Variants in GALNT14 observed in about 807,000 individuals in gnomAD.
GALNT14 encodes UDP-GalNAc:polypeptide N-acetylgalactosaminyltransferase 14.
In GALNT14, 60 loss-of-function variants were observed where a neutral mutation model predicts 77.5. The ratio of observed to expected loss-of-function variants is 0.77; its 90% CI spans 0.63 to 0.96. The LOEUF (loss-of-function observed/expected upper bound fraction) is 0.96. Ranked by LOEUF, GALNT14 falls within the 40% of genes least tolerant of loss-of-function variation. GALNT14 has a pLI of 0.00. For missense variants in GALNT14, 710 were observed against 731.0 expected (o/e 0.97, Z 0.33); for synonymous variants, 280 against 281.7 (o/e 0.99, Z 0.06).
chr2:30,958,332 G>T (rs1667486168), intron 4 of GALNT14, 65 bp downstream of exon 4: 1 of 1,399,592 alleles, frequency 7.1e-7, no homozygotes, highest in Non-Finnish European at 1.0e-6. Flanking sequence ...ACTCACCTCT[G>T]CCTGTTACAG....
chr2:30,909,350 G>C (rs558439936), downstream of GALNT14, among the ~76,000 whole-genome samples: 2,078 of 150,628 alleles, frequency 0.014, 99 homozygotes, highest in Admixed American at 0.099. Context: ...AATGAACTCA[G>C]ACAAATTTAC....
chr2:31,030,758 T>C (rs1256967637), intron 1 of GALNT14, among the ~76,000 whole-genome samples: 2 of 152,190 alleles, frequency 1.3e-5, no homozygotes, highest in Admixed American at 6.5e-5. Context: ...TGAGAAATGT[T>C]TGTAGGCTTC....
intron 1 of GALNT14, among the ~76,000 whole-genome samples, chr2:31,116,019 T>C (rs1234956903): frequency 6.6e-6 from 1 of 152,098 alleles, no homozygotes; most frequent in African/African-American, 2.4e-5. Flanking sequence ...ACAGATCCTG[T>C]CTCCAAAATA....
chr2:30,961,199 C>A (rs1017872816), intron 3 of GALNT14, among the ~76,000 whole-genome samples: 9 of 152,220 alleles, frequency 5.9e-5, no homozygotes, highest in Non-Finnish European at 1.2e-4. Flanking sequence ...TAAAAGCAGG[C>A]GATATTAATA....
chr2:30,979,223 C>A (rs183232907), intron 2 of GALNT14, among the ~76,000 whole-genome samples: 1 of 152,162 alleles, frequency 6.6e-6, no homozygotes, highest in African/African-American at 2.4e-5. Context: ...GAGGGGGCAG[C>A]GGCTGAGTTT....
chr2:30,930,620 A>G lies in GALNT14; in HGVS notation c.1059-1133T>C, dbSNP rs563523756. On this transcript the variant is annotated intron_variant, in intron 10 of 14. Coordinates refer to ENST00000349752, the MANE Select transcript of GALNT14 (RefSeq NM_024572.4). ...GGCAGCAGTGGTATCTGCTGAGGCC[A>G]AGTAAGGGAACTTGGGGCCTAACTG... Among the ~76,000 whole-genome samples the G allele has an allele frequency of 2.0e-5, 3 of 152,354 alleles. No homozygotes were observed. The South Asian group carries it at 6.2e-4, about 32-fold the overall frequency.
intron 2 of GALNT14, among the ~76,000 whole-genome samples, chr2:30,989,776 A>G (rs1669576683): frequency 6.7e-6 from 1 of 148,922 alleles, no homozygotes; most frequent in Non-Finnish European, 1.5e-5. Context: ...CATTATTGTG[A>G]TTTTTACCCC....
intron 1 of GALNT14, among the ~76,000 whole-genome samples, chr2:31,042,172 T>G (rs1169629247): frequency 6.6e-6 from 1 of 152,134 alleles, no homozygotes; most frequent in East Asian, 1.9e-4. Flanking sequence ...AAAAGGATTC[T>G]TCACCTGAAA....
intron 1 of GALNT14, among the ~76,000 whole-genome samples, chr2:31,034,853 T>C (rs1271261719): frequency 6.6e-6 from 1 of 152,274 alleles, no homozygotes; most frequent in Non-Finnish European, 1.5e-5. Context: ...TTCTTTAACC[T>C]ATTAGTTATT....
chr2:30,930,994 C>T (rs367739391), intron 10 of GALNT14, among the ~76,000 whole-genome samples: 72 of 152,362 alleles, frequency 4.7e-4, no homozygotes, highest in East Asian at 3.3e-3. Flanking sequence ...CCCCTCCAGG[C>T]GGCCACATGG....
intron 1 of GALNT14, among the ~76,000 whole-genome samples, chr2:31,006,216 T>G (rs1330920285): frequency 6.6e-6 from 1 of 152,176 alleles, no homozygotes; most frequent in Non-Finnish European, 1.5e-5. Context: ...TCTAGGTTCT[T>G]GCCAGGCAAA....
At chr2:31,134,657 C>T (rs776356363) in intron 1 of GALNT14, among the ~76,000 whole-genome samples, 14 of 152,214 alleles carry the variant, frequency 9.2e-5, no homozygotes, top group Non-Finnish European at 1.8e-4. Context: ...GATGTCCCTC[C>T]GCAGTAGCTC....
chr2:30,953,392 AC>A (rs1214311515), intron 6 of GALNT14, among the ~76,000 whole-genome samples: 1 of 139,658 alleles, frequency 7.2e-6, no homozygotes, highest in Non-Finnish European at 1.5e-5. Context: ...CACTGCAACC[AC>A]TGCCTCCCTG....
chr2:31,092,851 T>A (rs1003963298), intron 1 of GALNT14, among the ~76,000 whole-genome samples: 1 of 152,156 alleles, frequency 6.6e-6, no homozygotes, highest in Non-Finnish European at 1.5e-5. Flanking sequence ...GCAAAAGTAA[T>A]TGTGGTTTGG....
intron 13 of GALNT14, among the ~76,000 whole-genome samples, chr2:30,920,047 T>C (rs908287819): frequency 2.6e-5 from 4 of 152,212 alleles, no homozygotes; most frequent in East Asian, 1.9e-4. Flanking sequence ...AGCTGATTTA[T>C]GGTTTTAATG....
intron 2 of GALNT14, among the ~76,000 whole-genome samples, chr2:30,989,221 C>T (rs1022900403): frequency 4.6e-5 from 7 of 152,004 alleles, no homozygotes; most frequent in Non-Finnish European, 8.8e-5. Context: ...ATGCTATGAC[C>T]GATGCTAAGG....
intron 2 of GALNT14, among the ~76,000 whole-genome samples, chr2:30,980,288 C>G (rs1029818214): frequency 7.2e-5 from 11 of 152,222 alleles, no homozygotes; most frequent in African/African-American, 2.4e-4. Context: ...CCCTGCCTTC[C>G]AGACCTGCTT....
At chr2:31,126,892 G>A (rs564971849) in intron 1 of GALNT14, 23 of 152,298 alleles carry the variant, frequency 1.5e-4, no homozygotes, top group African/African-American at 5.1e-4. Flanking sequence ...GGAGTAAGAC[G>A]TGGGTAACTT....
At chr2:30,887,384 TTTC>T in the GALNT14 span, among the ~76,000 whole-genome samples, 22 of 152,210 alleles carry the variant, frequency 1.4e-4, 1 homozygote, top group South Asian at 4.4e-3. Flanking sequence ...TAATAATTAT[TTTC>T]TTTTTTTTAA....
Sources: allele counts gnomAD v4.1 joint callset (sites outside exome capture counted in the v4.1 genomes callset), GRCh38; gene constraint gnomAD v4.1.1; transcripts MANE v1.5; gene names NCBI Gene and HGNC (gene_info 2026-07-23, HGNC 2026-07-21).